The following NAALADL2 variants were observed in gnomAD, a reference collection of about 807,000 sequenced individuals.
NAALADL2 encodes the protein inactive N-acetylated-alpha-linked acidic dipeptidase-like protein 2.
NAALADL2 carries 76 observed loss-of-function variants against 87.2 expected under a neutral mutation model. The observed-to-expected ratio is 0.87, with a 90% CI of 0.72 to 1.05. The LOEUF is 1.05. NAALADL2 is among the 50% of genes least tolerant of loss of function. NAALADL2 has a pLI of 0.00. For synonymous variants in NAALADL2, 354 were observed against 331.0 expected (o/e 1.07, Z -0.75); for missense variants, 1,089 against 945.8 (o/e 1.15, Z -1.99).
intron 3 of NAALADL2, among the ~76,000 whole-genome samples, chr3:174,761,616 A>G (rs524356): frequency 0.31 from 46,600 of 151,932 alleles, 7,190 homozygotes; most frequent in Middle Eastern, 0.35. Context: ...TTTTTAAGAA[A>G]AATTTTTTTA....
At chr3:174,670,920 C>T (rs1425171951) in intron 2 of NAALADL2, among the ~76,000 whole-genome samples, 1 of 151,914 alleles carries the variant, frequency 6.6e-6, no homozygotes, top group African/African-American at 2.4e-5. Context: ...CACTATCCAC[C>T]TTTGTACTGT....
chr3:175,705,640 T>C (rs1295997524), intron 11 of NAALADL2, among the ~76,000 whole-genome samples: 1 of 152,134 alleles, frequency 6.6e-6, no homozygotes, highest in Non-Finnish European at 1.5e-5. Context: ...TTTTGTATAC[T>C]ATATTATTTG....
At chr3:175,056,091 G>C (rs1225007009) in intron 1 of NAALADL2, among the ~76,000 whole-genome samples, 1 of 152,066 alleles carries the variant, frequency 6.6e-6, no homozygotes, top group Non-Finnish European at 1.5e-5. Flanking sequence ...TGCTCGAATA[G>C]TCACTGAGGC....
intron 5 of NAALADL2, among the ~76,000 whole-genome samples, chr3:175,424,205 G>T (rs1308074869): frequency 1.3e-5 from 2 of 152,120 alleles, no homozygotes; most frequent in Non-Finnish European, 2.9e-5. Flanking sequence ...CCATTCTGTA[G>T]GTTGCCTGTT....
At chr3:175,647,707 G>A (rs1730204953) in intron 11 of NAALADL2, among the ~76,000 whole-genome samples, 2 of 152,168 alleles carry the variant, frequency 1.3e-5, no homozygotes. Flanking sequence ...GGTAATGTTT[G>A]TGAAGTGCTT....
chr3:174,955,225 A>G (rs1441763472), intron 1 of NAALADL2, among the ~76,000 whole-genome samples: 1 of 152,130 alleles, frequency 6.6e-6, no homozygotes, highest in African/African-American at 2.4e-5. Flanking sequence ...ATAATTCACG[A>G]CGCATTTTCA....
intron 9 of NAALADL2, among the ~76,000 whole-genome samples, chr3:175,508,842 G>A (rs977466631): frequency 3.3e-5 from 5 of 151,740 alleles, no homozygotes; most frequent in South Asian, 2.1e-4. Context: ...AGGACTATGC[G>A]CGATGGCTCA....
upstream of NAALADL2, among the ~76,000 whole-genome samples, chr3:174,857,604 A>G (rs148953876): frequency 2.0e-3 from 312 of 152,272 alleles, 1 homozygote; most frequent in African/African-American, 6.9e-3. Flanking sequence ...TAAGAATGTG[A>G]TGATTACAGT....
chr3:175,345,501 A>C (rs955169506), intron 5 of NAALADL2, among the ~76,000 whole-genome samples: 1 of 152,110 alleles, frequency 6.6e-6, no homozygotes, highest in African/African-American at 2.4e-5. Flanking sequence ...GATGCAAAGG[A>C]AATTTCTTTC....
chr3:174,464,331 G>A (rs13062889), intron 1 of NAALADL2, among the ~76,000 whole-genome samples: 63,534 of 150,704 alleles, frequency 0.42, 14,395 homozygotes, highest in East Asian at 0.88. Context: ...CAAAAACTTT[G>A]CCGTAAGTTT....
intron 2 of NAALADL2, among the ~76,000 whole-genome samples, chr3:175,119,714 TATAATGTAAAATA>T (rs1002265691): frequency 6.8e-6 from 1 of 147,730 alleles, no homozygotes; most frequent in African/African-American, 2.5e-5. Flanking sequence ...GATATAGATA[TATAATGTAAAATA>T]AGAATAGATA....
At chr3:175,797,749 T>C (rs1313126107) in intron 13 of NAALADL2, among the ~76,000 whole-genome samples, 1 of 152,054 alleles carries the variant, frequency 6.6e-6, no homozygotes, top group Non-Finnish European at 1.5e-5. Flanking sequence ...TCAATTTTAG[T>C]GACATTACAT....
chr3:175,370,190 CTA>C (rs1766276262), intron 5 of NAALADL2, among the ~76,000 whole-genome samples: 1 of 152,096 alleles, frequency 6.6e-6, no homozygotes, highest in Admixed American at 6.6e-5. Flanking sequence ...TTATATGACT[CTA>C]TGCATTTCTC....
At chr3:175,448,247 G>C (rs1033762847) in intron 6 of NAALADL2, among the ~76,000 whole-genome samples, 6 of 152,194 alleles carry the variant, frequency 3.9e-5, no homozygotes, top group Non-Finnish European at 7.4e-5. Context: ...AAACAAGGTG[G>C]GAAAATTAGA....
intron 10 of NAALADL2, among the ~76,000 whole-genome samples, chr3:175,614,400 G>A (rs1725064368): frequency 6.6e-6 from 1 of 152,142 alleles, no homozygotes; most frequent in Admixed American, 6.6e-5. Flanking sequence ...ATTTATTTTT[G>A]AATGACACTT....
At chr3:174,847,278 C>A (rs1724730144) in intron 3 of NAALADL2, among the ~76,000 whole-genome samples, 1 of 152,058 alleles carries the variant, frequency 6.6e-6, no homozygotes, top group Admixed American at 6.6e-5. Flanking sequence ...CATGCATGAT[C>A]AAAAAACCCC....
At chr3:174,492,274 A>G (rs1560013171) in intron 1 of NAALADL2, among the ~76,000 whole-genome samples, 1 of 133,684 alleles carries the variant, frequency 7.5e-6, no homozygotes, top group East Asian at 2.5e-4. Flanking sequence ...CCGTCTCAAA[A>G]AAAAAAAAGA....
chr3:174,658,829 G>T (rs1459019474), intron 2 of NAALADL2, among the ~76,000 whole-genome samples: 1 of 152,142 alleles, frequency 6.6e-6, no homozygotes, highest in Non-Finnish European at 1.5e-5. Context: ...TGGTGCATCT[G>T]CAACTAATGG....
At chr3:175,423,034 T>G (rs1024225493) in intron 5 of NAALADL2, among the ~76,000 whole-genome samples, 1 of 40,892 alleles carries the variant, frequency 2.4e-5, no homozygotes, top group Admixed American at 3.1e-4. Context: ...AAAAAATATA[T>G]ATATATATAT....
Sources: allele counts gnomAD v4.1 joint callset (sites outside exome capture counted in the v4.1 genomes callset), GRCh38; gene constraint gnomAD v4.1.1; transcripts MANE v1.5; gene names NCBI Gene and HGNC (gene_info 2026-07-23, HGNC 2026-07-21).